The following DSTYK variants were observed in gnomAD, a reference collection of about 807,000 sequenced individuals.
DSTYK encodes the protein RIP-homologous kinase.
DSTYK carries 34 observed loss-of-function variants against 98.7 expected under a neutral mutation model. The observed-to-expected ratio is 0.34, with a 90% CI of 0.26 to 0.46. The LOEUF (loss-of-function observed/expected upper bound fraction) is 0.46. Ranked by LOEUF, DSTYK falls within the 20% of genes least tolerant of loss-of-function variation. DSTYK has a pLI of 1.00. For synonymous variants in DSTYK, 462 were observed against 457.3 expected, an observed-to-expected ratio of 1.01 and a Z score of -0.13; for missense variants, 962 against 1,181.7, an observed-to-expected ratio of 0.81 and a Z score of 2.73.
chr1:205,188,520 A>G (rs1235714636), intron 1 of DSTYK, among the ~76,000 whole-genome samples: 1 of 152,200 alleles, frequency 6.6e-6, no homozygotes, highest in African/African-American at 2.4e-5. Flanking sequence ...ATCTAAACAT[A>G]TCTAAACATA....
chr1:205,197,801 G>C (rs181874081), intron 1 of DSTYK, among the ~76,000 whole-genome samples: 2 of 152,288 alleles, frequency 1.3e-5, no homozygotes, highest in Admixed American at 1.3e-4. Context: ...ATCAGACTTA[G>C]AATCCAAATC....
chr1:205,147,640 T>C lies in DSTYK; in HGVS notation c.2708A>G (p.Gln903Arg). The C allele has an allele frequency of 1.2e-6, 2 of 1,614,220 alleles. No individual in the cohort carries two copies. The highest frequency in any genetic ancestry group is 2.2e-5 in the East Asian group (1 of 44,884). Residue 903 changes from glutamine to arginine, a missense_variant, in exon 13 of 13, where the codon CAG becomes CGG. Coordinates refer to ENST00000367162, the MANE Select transcript of DSTYK (RefSeq NM_015375.3). Reference sequence around the variant, plus strand: ...ATTCATGATGCCCTGGAGCATGGGCTGGACAATGCCCAAGAGAGGCCTCTT... The same window carrying C: ...ATTCATGATGCCCTGGAGCATGGGCCGGACAATGCCCAAGAGAGGCCTCTT... ...PLKRPLLGIV[Q>R]PMLQGIMNRL...
At chr1:205,194,662 C>A (rs1444086437) in intron 1 of DSTYK, among the ~76,000 whole-genome samples, 3 of 150,794 alleles carry the variant, frequency 2.0e-5, no homozygotes, top group East Asian at 3.9e-4. Flanking sequence ...GGATTATAGG[C>A]ATGAGCCGCC....
intron 1 of DSTYK, among the ~76,000 whole-genome samples, chr1:205,206,387 C>A (rs953005828): frequency 3.3e-5 from 5 of 151,506 alleles, no homozygotes; most frequent in African/African-American, 1.2e-4. Flanking sequence ...TCAAGCGATT[C>A]TCCTGCCTCA....
chr1:205,171,958 TATTGATTG>T (rs10587197), intron 2 of DSTYK, among the ~76,000 whole-genome samples: 1 of 151,580 alleles, frequency 6.6e-6, no homozygotes, highest in Non-Finnish European at 1.5e-5. Flanking sequence ...GCAGCAGGTT[TATTGATTG>T]ATTGATTGAG....
rs1271826952 is a variant in DSTYK, at chr1:205,211,622, A to C, written c.-87T>G. ...CCCGCCCCCCAGTGCCGAAGGGAGG[A>C]GGAATCCGCCTCCTGACGCCCCCGC... On this transcript the variant is annotated 5_prime_UTR_variant, in exon 1 of 13. Transcript: ENST00000367162. The C allele has an allele frequency of 7.2e-6, 10 of 1,392,336 alleles. No individual in the cohort carries two copies. Among genetic ancestry groups the C allele is most frequent in the East Asian group, 2.9e-5 (1 of 34,808 alleles). 86.2% of individuals were successfully genotyped at this position (1,392,336 alleles called of 1,614,324 possible).
chr1:205,150,867 A>T lies in DSTYK; in HGVS notation c.2353-73T>A. 8.5e-7 allele frequency: 1 copy of T among 1,176,578 alleles called. No individual in the cohort carries two copies. Among genetic ancestry groups the T allele is most frequent in the Non-Finnish European group, 1.3e-6 (1 of 788,984 alleles). The allele number at this position is 1,176,578 out of a possible 1,614,324, so 72.9% of individuals were successfully genotyped here. On this transcript the variant is annotated intron_variant, in intron 10 of 12. Transcript: ENST00000367162. The surrounding 1 kb of genome is among the most constrained non-coding windows in gnomAD (Gnocchi z 4.1). ...CAGCACTGCTGCGTACCTAAGCTCA[A>T]AGGTAGGTACCTCAAAGTAGTGTCA...
In DSTYK at chr1:205,176,476, TAAAAAAAAAAAAAAA is replaced by T. The variant is rs61291677; in HGVS notation, c.655-6659_655-6645del. ...GGGCAACAAGAGTGAAACTCCCTCT[TAAAAAAAAAAAAAAA>T]AAAAAAAAAAAAAAAAAAGAAATGC... is the stretch of plus-strand genomic sequence containing the variant. On this transcript the variant is annotated intron_variant, in intron 2 of 12. Transcript: ENST00000367162. 9.8e-3 allele frequency among the ~76,000 whole-genome samples: 423 copies of T among 43,252 alleles called. 6 individuals carry two copies. Among genetic ancestry groups the T allele is most frequent in the African/African-American group, 0.028 (403 of 14,164 alleles). 28.4% of individuals were successfully genotyped at this position (43,252 alleles called of 152,430 possible). A position where few individuals can be genotyped will look rare whatever the true frequency, so the allele number is the denominator to read the frequency against.
At chr1:205,161,137 A>C in intron 7 of DSTYK, 121 bp downstream of exon 7, 1 of 1,280,228 alleles carries the variant, frequency 7.8e-7, no homozygotes, top group Non-Finnish European at 1.1e-6. Context: ...AAACATCAGT[A>C]AGGGTTTAGG....
At position 205,148,226 on chromosome 1, in the gene DSTYK, G is replaced by T. The variant is rs1440830714; in HGVS notation, c.2581C>A (p.Leu861Ile). The T allele has an allele frequency of 6.2e-7, 1 of 1,614,150 alleles. No individual in the cohort carries two copies. Among genetic ancestry groups the T allele is most frequent in the African/African-American group, 1.3e-5 (1 of 75,050 alleles). The change falls in exon 12 of 13, where the codon CTC becomes ATC. Residue 861 changes from leucine (L) to isoleucine (I), a missense_variant. By Grantham distance (5) the Leu-to-Ile change is conservative (BLOSUM62 2). This residue lies in a region of DSTYK where 69 missense variants were observed against 142.9 expected (regional missense o/e 0.48). Coordinates refer to ENST00000367162, the MANE Select transcript of DSTYK (RefSeq NM_015375.3). ...AFERCASKDH[L>I]WNNVRRGARP... ...TTACCCCTCCGCACATTGTTCCAGA[G>T]ATGGTCTTTGCTAGCACACCTCTCA...
intron 3 of DSTYK, among the ~76,000 whole-genome samples, chr1:205,164,162 A>C (rs1334183462): frequency 6.6e-6 from 1 of 152,206 alleles, no homozygotes; most frequent in Non-Finnish European, 1.5e-5. Flanking sequence ...CCTGAGAAGA[A>C]GCAATTAAGT....
chr1:205,198,387 G>A (rs965853809), intron 1 of DSTYK, among the ~76,000 whole-genome samples: 2 of 151,910 alleles, frequency 1.3e-5, no homozygotes, highest in African/African-American at 4.8e-5. Flanking sequence ...TCTCTCCATG[G>A]GACAGAACCA....
chr1:205,210,160 C>G (rs759400511), intron 1 of DSTYK, among the ~76,000 whole-genome samples: 1 of 152,094 alleles, frequency 6.6e-6, no homozygotes, highest in African/African-American at 2.4e-5. Context: ...GCCTCTGCCT[C>G]CCAAAGTGCT....
At position 205,161,394 on chromosome 1, in the gene DSTYK, G is replaced by A; in HGVS notation, c.1819-7C>T. 1 of 1,613,820 alleles carries A rather than the reference G, an allele frequency of 6.2e-7. No individual in the cohort carries two copies. The highest frequency in any genetic ancestry group is 8.5e-7 in the Non-Finnish European group (1 of 1,179,894). On this transcript the variant is annotated splice_region_variant and splice_polypyrimidine_tract_variant and intron_variant, in intron 6 of 12. Coordinates refer to ENST00000367162, the MANE Select transcript of DSTYK (RefSeq NM_015375.3). ...CTGAGTGGCCAGCTTCCAGCTGGGA[G>A]AGAAACAGAAAAAGTACATATGACT...
At chr1:205,183,295 A>G (rs974199984) in intron 2 of DSTYK, among the ~76,000 whole-genome samples, 1 of 152,196 alleles carries the variant, frequency 6.6e-6, no homozygotes, top group Non-Finnish European at 1.5e-5. Context: ...TGCCAATTGG[A>G]AAGTGACTAT....
chr1:205,174,605 C>G (rs1373826188), intron 2 of DSTYK, among the ~76,000 whole-genome samples: 1 of 151,262 alleles, frequency 6.6e-6, no homozygotes, highest in African/African-American at 2.4e-5. Flanking sequence ...ATCACTTGAA[C>G]CTGGGAGGTG....
At chr1:205,161,201 A>C (rs1273983167) in intron 7 of DSTYK, 57 bp downstream of exon 7, 1 of 1,596,946 alleles carries the variant, frequency 6.3e-7, no homozygotes, top group Non-Finnish European at 8.5e-7. Context: ...GCTGGACATA[A>C]GAATGTCAGG....
chr1:205,209,405 A>G (rs1403747890), intron 1 of DSTYK, among the ~76,000 whole-genome samples: 1 of 152,140 alleles, frequency 6.6e-6, no homozygotes, highest in African/African-American at 2.4e-5. Flanking sequence ...GTTTTCTGGT[A>G]GCCTCACAGA....
chr1:205,196,966 T>C (rs1017125272), intron 1 of DSTYK, among the ~76,000 whole-genome samples: 4 of 151,568 alleles, frequency 2.6e-5, no homozygotes, highest in African/African-American at 7.3e-5. Flanking sequence ...GGTTTCACCA[T>C]AGTGGCCAGG....
Sources: gnomAD v4.1 joint callset for allele counts (sites outside exome capture counted in the v4.1 genomes callset) on GRCh38, gnomAD v4.1.1 for gene constraint, gnomAD v4.1.1 regional missense constraint, Gnocchi (gnomAD v3.1) non-coding constraint, MANE v1.5 for transcripts, NCBI Gene and HGNC (gene_info 2026-07-23, HGNC 2026-07-21) for gene names.